The following HDAC9 variants were observed in gnomAD, a reference collection of about 807,000 sequenced individuals.
The protein encoded by HDAC9 is MEF-2 interacting transcription repressor (MITR) protein.
Under a neutral mutation model 139.4 loss-of-function variants are expected in HDAC9, and 41 were observed. The ratio of observed to expected loss-of-function variants is 0.29; its 90% CI spans 0.23 to 0.38. The LOEUF (loss-of-function observed/expected upper bound fraction) is 0.38. Among genes scored for constraint, HDAC9 ranks in the 10% least tolerant of loss-of-function variants. HDAC9 has a pLI of 1.00. For missense variants in HDAC9, 1,147 were observed against 1,297.0 expected, an observed-to-expected ratio of 0.88 and a Z score of 1.78; for synonymous variants, 517 against 476.2, an observed-to-expected ratio of 1.09 and a Z score of -1.12.
chr7:18,190,527 AC>A (rs1790269243), intron 2 of HDAC9, among the ~76,000 whole-genome samples: 1 of 152,146 alleles, frequency 6.6e-6, no homozygotes, highest in Non-Finnish European at 1.5e-5. Context: ...GTAATTATAA[AC>A]TGGCTTATAA....
intron 1 of HDAC9, among the ~76,000 whole-genome samples, chr7:18,392,495 A>G (rs962233582): frequency 6.6e-6 from 1 of 152,060 alleles, no homozygotes; most frequent in African/African-American, 2.4e-5. Flanking sequence ...ACTGGTAAAT[A>G]TAGGTATTTG....
intron 2 of HDAC9, among the ~76,000 whole-genome samples, chr7:18,526,251 A>G: frequency 6.6e-6 from 1 of 152,164 alleles, no homozygotes. Context: ...GTCTTAAATC[A>G]TCTTCCTATT....
At chr7:18,301,246 T>A (rs1798518799) in intron 1 of HDAC9, among the ~76,000 whole-genome samples, 1 of 152,184 alleles carries the variant, frequency 6.6e-6, no homozygotes, top group South Asian at 2.1e-4. Flanking sequence ...AATAATACTT[T>A]AAGGTCATAA....
intron 2 of HDAC9, among the ~76,000 whole-genome samples, chr7:18,241,726 G>T (rs946363253): frequency 6.6e-6 from 1 of 152,152 alleles, no homozygotes; most frequent in Non-Finnish European, 1.5e-5. Flanking sequence ...ACACTGAATC[G>T]CCTGAGTACC....
In HDAC9 at chr7:18,766,176, A is replaced by G. The variant is rs1789816398; in HGVS notation, c.2165-930A>G. On this transcript the variant is annotated intron_variant, in intron 15 of 25. Coordinates refer to ENST00000686413, the MANE Select transcript of HDAC9 (RefSeq NM_178425.4). ...GAATTGGAAATTTGTACCTGGTTCT[A>G]CCACTGAACTGCTGAGTGACATGTC... Among the ~76,000 whole-genome samples the G allele has an allele frequency of 2.6e-5, 4 of 152,188 alleles. No individual in the cohort carries two copies. In the South Asian group the frequency reaches 8.3e-4, roughly 31 times the overall value.
chr7:18,818,320 G>T lies in HDAC9; in HGVS notation c.2323-10841G>T, dbSNP rs1794717390. ...GAATCCCGATCAGCTGGTCTGATAT[G>T]CTCAATTAGTTTTTGGATAGTAGGC... On this transcript the variant is annotated intron_variant, in intron 17 of 25. Coordinates refer to ENST00000686413, the MANE Select transcript of HDAC9 (RefSeq NM_178425.4). 2.0e-5 allele frequency among the ~76,000 whole-genome samples: 3 copies of T among 152,146 alleles called. No homozygotes were observed. In the South Asian group the frequency reaches 6.2e-4, roughly 32 times the overall value.
chr7:18,481,581 T>C (rs1011277295), intron 1 of HDAC9, among the ~76,000 whole-genome samples: 8 of 152,222 alleles, frequency 5.3e-5, no homozygotes, highest in Non-Finnish European at 1.2e-4. Context: ...AGTAGTCAGA[T>C]TGTGTCACCC....
At chr7:18,930,746 G>A (rs1055793788) in intron 22 of HDAC9, among the ~76,000 whole-genome samples, 4 of 152,216 alleles carry the variant, frequency 2.6e-5, no homozygotes, top group Admixed American at 6.5e-5. Context: ...GTCTCTGACT[G>A]CAGAGATCAC....
At chr7:18,262,738 C>T (rs1795760783) in intron 2 of HDAC9, among the ~76,000 whole-genome samples, 1 of 152,006 alleles carries the variant, frequency 6.6e-6, no homozygotes, top group Admixed American at 6.6e-5. Context: ...GGGTAGAGAA[C>T]AGAGCTATTT....
At chr7:18,267,932 C>CA (rs1169276934) in intron 2 of HDAC9, among the ~76,000 whole-genome samples, 2 of 151,976 alleles carry the variant, frequency 1.3e-5, no homozygotes, top group African/African-American at 2.4e-5. Flanking sequence ...AAAATACCAA[C>CA]AAAAAAACCT....
At chr7:18,360,941 G>A (rs935399643) in intron 1 of HDAC9, among the ~76,000 whole-genome samples, 4 of 152,134 alleles carry the variant, frequency 2.6e-5, no homozygotes, top group Non-Finnish European at 5.9e-5. Context: ...AGAAATGGCA[G>A]AATAATTACC....
intron 2 of HDAC9, among the ~76,000 whole-genome samples, chr7:18,566,306 GCTTT>G (rs1295644836): frequency 6.6e-6 from 1 of 152,166 alleles, no homozygotes; most frequent in Non-Finnish European, 1.5e-5. Flanking sequence ...ATTAGATAAA[GCTTT>G]CTTCAGAGTT....
chr7:18,968,183 G>A (rs896358945), intron 24 of HDAC9, among the ~76,000 whole-genome samples: 25 of 152,066 alleles, frequency 1.6e-4, no homozygotes, highest in African/African-American at 6.0e-4. Flanking sequence ...AAAGAAAAAA[G>A]AAACTTCAGC....
chr7:18,527,827 A>G (rs1309455093), intron 2 of HDAC9, among the ~76,000 whole-genome samples: 4 of 152,130 alleles, frequency 2.6e-5, no homozygotes, highest in Non-Finnish European at 5.9e-5. Flanking sequence ...AGTTGTTTAA[A>G]GTTCATGGAA....
intron 2 of HDAC9, among the ~76,000 whole-genome samples, chr7:18,188,814 A>G (rs937957625): frequency 1.4e-5 from 2 of 139,020 alleles, no homozygotes; most frequent in South Asian, 4.9e-4. Flanking sequence ...GCCAGTTAGA[A>G]TGGCGATTAT....
At chr7:18,987,841 T>C (rs1325274152) in intron 25 of HDAC9, among the ~76,000 whole-genome samples, 5 of 152,204 alleles carry the variant, frequency 3.3e-5, no homozygotes, top group Non-Finnish European at 7.3e-5. Context: ...CTAGATTTTC[T>C]AGTTTATTGG....
chr7:18,209,779 T>C (rs897253995), intron 2 of HDAC9, among the ~76,000 whole-genome samples: 2 of 151,940 alleles, frequency 1.3e-5, no homozygotes, highest in African/African-American at 2.4e-5. Flanking sequence ...TGGCTCACTG[T>C]AAGCTCCGCC....
intron 12 of HDAC9, among the ~76,000 whole-genome samples, chr7:18,705,865 A>G (rs1370938694): frequency 0.02 from 2,011 of 101,782 alleles, 154 homozygotes; most frequent in African/African-American, 0.14. Flanking sequence ...AAAAAAAAAT[A>G]AAATAAAATA....
At chr7:18,745,400 A>T (rs564206068) in intron 13 of HDAC9, among the ~76,000 whole-genome samples, 111 of 151,984 alleles carry the variant, frequency 7.3e-4, no homozygotes, top group African/African-American at 2.5e-3. Context: ...TTTCACAATT[A>T]TTTTTCTTGG....
Sources: gnomAD v4.1 joint callset for allele counts (sites outside exome capture counted in the v4.1 genomes callset) on GRCh38, gnomAD v4.1.1 for gene constraint, MANE v1.5 for transcripts, NCBI Gene and HGNC (gene_info 2026-07-23, HGNC 2026-07-21) for gene names.